Variants in MUC5B observed in about 807,000 individuals in gnomAD.
MUC5B encodes mucin 5B, oligomeric mucus/gel-forming.
A neutral mutation model predicts 376.9 loss-of-function variants in MUC5B; 116 were observed. The observed-to-expected ratio is 0.31, with a 90% CI of 0.26 to 0.36. The LOEUF is 0.36. Among genes scored for constraint, MUC5B ranks in the 10% least tolerant of loss-of-function variants. MUC5B has a pLI of 1.00. For missense variants in MUC5B, 7,165 were observed against 7,769.9 expected, an observed-to-expected ratio of 0.92 and a Z score of 2.93; for synonymous variants, 3,517 against 3,390.9, an observed-to-expected ratio of 1.04 and a Z score of -1.29.
Position 1,257,513 on chromosome 11 carries a change from C to T in MUC5B, c.16270-17C>T. On this transcript the variant is annotated splice_polypyrimidine_tract_variant and intron_variant, in intron 40 of 48. Coordinates refer to ENST00000529681, the MANE Select transcript of MUC5B (RefSeq NM_002458.3). The surrounding 1 kb of genome is among the most constrained non-coding windows in gnomAD (Gnocchi z 8.9). ...GTCTGTCCAGGAGCCCTCAGGGACC[C>T]CCTTGATCCATTCCAGCCCGGGGAG... 6.2e-7 allele frequency: 1 copy of T among 1,607,000 alleles called. No homozygotes were observed. Among genetic ancestry groups the T allele is most frequent in the Non-Finnish European group, 8.5e-7 (1 of 1,178,538 alleles).
Position 1,251,270 on chromosome 11 carries a change from C to G in MUC5B, c.14390C>G (p.Ala4797Gly), listed in dbSNP as rs564766894. 239 of 1,611,556 alleles carry G rather than the reference C, an allele frequency of 1.5e-4. 5 individuals carry two copies. In the South Asian group the frequency reaches 2.1e-3, roughly 14 times the overall value. Reference sequence around the variant, plus strand: ...ACCTCCACAGTGCTGACCACCACAGCCACCATGACAAGGGCCACCAATTCC... The same window carrying G: ...ACCTCCACAGTGCTGACCACCACAGGCACCATGACAAGGGCCACCAATTCC... ...THTSTVLTTT[A>G]TMTRATNSTA... Residue 4797 changes from alanine to glycine, a missense_variant, in exon 31 of 49, where the codon GCC (alanine) becomes GGC (glycine). Physicochemically the swap from Ala to Gly is moderately conservative, Grantham distance 60 (BLOSUM62 0). This residue lies in a region of MUC5B where 730 missense variants were observed against 592.7 expected (regional missense o/e 1.23). Coordinates refer to ENST00000529681, the MANE Select transcript of MUC5B (RefSeq NM_002458.3).
At position 1,253,712 on chromosome 11, in the gene MUC5B, C is replaced by T. The variant is rs930317087; in HGVS notation, c.15218-380C>T. Among the ~76,000 whole-genome samples the T allele has an allele frequency of 4.6e-5, 7 of 152,130 alleles. No homozygotes were observed. Among genetic ancestry groups the T allele is most frequent in the African/African-American group, 9.7e-5 (4 of 41,412 alleles). The stretch of plus-strand genomic sequence containing the variant: ...TCCTTTGGCTGTGGCTGCATCCCTC[C>T]GATCTCTGCCTCTGCCTCTCTGTGG... On this transcript the variant is annotated intron_variant, in intron 33 of 48. Transcript: ENST00000529681. This position sits in a 1 kb window ranked among gnomAD's most constrained non-coding sequence, Gnocchi z 4.3.
chr11:1,246,440 G>A lies in MUC5B; in HGVS notation c.9560G>A (p.Arg3187Gln), dbSNP rs117757264. The A allele has an allele frequency of 0.033, 52,881 of 1,586,762 alleles. 224 individuals carry two copies. Among genetic ancestry groups the A allele is most frequent in the Admixed American group, 0.039 (2,315 of 59,522 alleles). The change falls in exon 31 of 49, where the codon CGG becomes CAG. Residue 3187 changes from arginine (R) to glutamine (Q), a missense_variant. By Grantham distance (43) the Arg-to-Gln change is conservative. Around this residue, in one of 31 missense-constraint regions of MUC5B, gnomAD observed 939 missense variants for 770.6 expected, o/e 1.22. Coordinates refer to ENST00000529681, the MANE Select transcript of MUC5B (RefSeq NM_002458.3). ...TCCACGGCCACCGCCTCCTCCACCC[G>A]GGCAACTGCTGGCACCCTCAAAGTG... The part of the protein sequence containing the change: ...TGSTATASST[R>Q]ATAGTLKVLT...
chr11:1,248,346 C>T lies in MUC5B; in HGVS notation c.11466C>T (p.Ala3822=), dbSNP rs758348264. The T allele has an allele frequency of 5.0e-6, 8 of 1,612,664 alleles. No individual in the cohort carries two copies. Among genetic ancestry groups the T allele is most frequent in the Non-Finnish European group, 6.8e-6 (8 of 1,179,474 alleles). The change falls in exon 31 of 49, where the codon GCC becomes GCT. Residue 3822 remains alanine, a synonymous_variant. Coordinates refer to ENST00000529681, the MANE Select transcript of MUC5B (RefSeq NM_002458.3). ...TTTPTATMST[A]TPSSTPETAH... ...CACCCACGGCCACCATGTCCACAGC[C>T]ACACCCTCCTCCACTCCAGAGACTG...
At chr11:1,259,444 G>C in intron 44 of MUC5B, 1 of 515,246 alleles carries the variant, frequency 1.9e-6, no homozygotes, top group Non-Finnish European at 3.5e-6. Context: ...GGTCTTGTTT[G>C]TTTCCAAAGG....
rs755948967 is a variant in MUC5B at position 1,242,601 on chromosome 11, C to T, written c.5721C>T (p.Leu1907=). The T allele has an allele frequency of 1.9e-6, 3 of 1,613,808 alleles. No homozygotes were observed. The highest frequency in any genetic ancestry group is 2.2e-5 in the East Asian group (1 of 44,868). Residue 1907 remains leucine, a synonymous_variant, in exon 31 of 49, where the codon CTC becomes CTT. Coordinates refer to ENST00000529681, the MANE Select transcript of MUC5B (RefSeq NM_002458.3). ...CAACTCCGGGGACGACCTGGATCCT[C>T]ACAAAGCCGACCACAACAGCCACTA... ...PSSTPGTTWI[L]TKPTTTATTT...
rs1367458720 is a variant in MUC5B at position 1,234,394 on chromosome 11, CACTT to C, written c.2478+92_2478+95del. ...CCCAGGGATCTGGTGGTCCTGGAGA[CACTT>C]ACCCACCTGGAAGCTCCGCCCTGGC... On this transcript the variant is annotated intron_variant, in intron 20 of 48. Transcript: ENST00000529681. This position sits in a 1 kb window ranked among gnomAD's most constrained non-coding sequence, Gnocchi z 6.3. 6.7e-7 allele frequency: 1 copy of C among 1,496,594 alleles called. No homozygotes were observed. The highest frequency in any genetic ancestry group is 9.1e-7 in the Non-Finnish European group (1 of 1,103,550). 92.7% of individuals were successfully genotyped at this position (1,496,594 alleles called of 1,614,324 possible). A position where few individuals can be genotyped will look rare whatever the true frequency, so the allele number is the denominator to read the frequency against.
intron 1 of MUC5B, among the ~76,000 whole-genome samples, chr11:1,224,196 C>T (rs1161811700): frequency 1.3e-5 from 2 of 152,220 alleles, no homozygotes; most frequent in African/African-American, 2.4e-5. Context: ...TCAGCCCACC[C>T]GTCCTCCTGT....
rs1211885872 is a variant in MUC5B at position 1,223,067 on chromosome 11, C to T, written c.-57C>T. ...GCTGGGGCCCCCAGGGGAGCAAGCA[C>T]CCGGCCCGGCTCCCTCCCTGCCCGT... On this transcript the variant is annotated 5_prime_UTR_variant, in exon 1 of 49. Coordinates refer to ENST00000529681, the MANE Select transcript of MUC5B (RefSeq NM_002458.3). 2.9e-6 allele frequency: 2 copies of T among 682,714 alleles called. No individual in the cohort carries two copies. Among genetic ancestry groups the T allele is most frequent in the Admixed American group, 4.2e-5 (2 of 47,858 alleles). 42.3% of individuals were successfully genotyped at this position (682,714 alleles called of 1,614,324 possible).
chr11:1,261,375 C>A lies in MUC5B; in HGVS notation c.17070-14C>A. The A allele has an allele frequency of 6.5e-7, 1 of 1,539,190 alleles. No individual in the cohort carries two copies. Among genetic ancestry groups the A allele is most frequent in the Non-Finnish European group, 8.7e-7 (1 of 1,143,974 alleles). Reference sequence around the variant, plus strand: ...GCCAAGGTGGCTGATGTGAGGGCCACCCTGCGTCCACAGGTACTCAGCAGA... The same window carrying A: ...GCCAAGGTGGCTGATGTGAGGGCCAACCTGCGTCCACAGGTACTCAGCAGA... On this transcript the variant is annotated splice_polypyrimidine_tract_variant and intron_variant, in intron 48 of 48. Transcript: ENST00000529681.
At chr11:1,254,597 G>A (rs1396367370) in intron 34 of MUC5B, 97 bp from the exon 35 acceptor site, 2 of 1,327,396 alleles carry the variant, frequency 1.5e-6, no homozygotes, top group African/African-American at 1.5e-5. Flanking sequence ...ACACAGGGGG[G>A]TCTCTGCACA....
At position 1,242,817 on chromosome 11, in the gene MUC5B, C is replaced by G. The variant is rs879471005; in HGVS notation, c.5937C>G (p.Ser1979Arg). The change falls in exon 31 of 49, where the codon AGC becomes AGG. Residue 1979 changes from serine (S) to arginine (R), a missense_variant. This residue lies in a region of MUC5B where 897 missense variants were observed against 779.6 expected (regional missense o/e 1.15). Transcript: ENST00000529681. ...RSTATTPTAT[S>R]VTPIPSSSLG... ...CAGCCACCACACCCACAGCTACCAG[C>G]GTTACACCCATCCCCTCTTCCTCCC... 1 of 1,613,292 alleles carries G rather than the reference C, an allele frequency of 6.2e-7. No homozygotes were observed. The highest frequency in any genetic ancestry group is 8.5e-7 in the Non-Finnish European group (1 of 1,179,676).
intron 18 of MUC5B, 150 bp downstream of exon 18, chr11:1,233,418 G>A (rs1862079617): frequency 2.0e-6 from 2 of 977,656 alleles, no homozygotes; most frequent in African/African-American, 1.6e-5. Context: ...AGCACATTCT[G>A]AAGAGAAAAT....
intron 6 of MUC5B, 109 bp from the exon 7 acceptor site, chr11:1,227,566 G>A: frequency 3.0e-6 from 2 of 676,456 alleles, no homozygotes; most frequent in Admixed American, 2.1e-5. Context: ...GGGGTGTTGG[G>A]CCCTAGGCAG....
intron 14 of MUC5B, 40 bp downstream of exon 14, chr11:1,231,600 G>A: frequency 6.5e-7 from 1 of 1,537,696 alleles, no homozygotes; most frequent in Non-Finnish European, 8.7e-7. Context: ...GGGCCATTGG[G>A]GACGGGGCCT....
chr11:1,246,777 C>A lies in MUC5B; in HGVS notation c.9897C>A (p.Thr3299=). The part of the protein sequence containing the change: ...ATGSVATPSS[T]PGTAHTTKVP... ...GCTCTGTGGCCACCCCCTCCTCCAC[C>A]CCAGGAACAGCTCACACTACCAAAG... Residue 3299 remains threonine (T), a synonymous_variant, in exon 31 of 49, where the codon ACC becomes ACA. Coordinates refer to ENST00000529681, the MANE Select transcript of MUC5B (RefSeq NM_002458.3). 3 of 1,610,888 alleles carry A rather than the reference C, an allele frequency of 1.9e-6. No individual in the cohort carries two copies. The highest frequency in any genetic ancestry group is 1.7e-6 in the Non-Finnish European group (2 of 1,178,230).
At chr11:1,236,864 T>C (rs1027050008) in intron 24 of MUC5B, 61 bp from the exon 25 acceptor site, 12 of 1,398,294 alleles carry the variant, frequency 8.6e-6, no homozygotes, top group Admixed American at 3.3e-5. Context: ...GGCTCTGTGC[T>C]GCCTCCCACG....
In MUC5B at chr11:1,227,912, C is replaced by T. The variant is rs113967601; in HGVS notation, c.774+131C>T. ...CATTGGAGGGAGGCCGGGCAGCCAC[C>T]CTCTGTGTGCTCAGTTCCACGGTAC... On this transcript the variant is annotated intron_variant, in intron 7 of 48. Coordinates refer to ENST00000529681, the MANE Select transcript of MUC5B (RefSeq NM_002458.3). 21 of 610,694 alleles carry T rather than the reference C, an allele frequency of 3.4e-5. 2 individuals carry two copies. In the African/African-American group the frequency reaches 3.5e-4, roughly 10 times the overall value. 37.8% of individuals were successfully genotyped at this position (610,694 alleles called of 1,614,324 possible).
At position 1,243,747 on chromosome 11, in the gene MUC5B, C is replaced by G; in HGVS notation, c.6867C>G (p.Ser2289Arg). Residue 2289 changes from serine to arginine, a missense_variant, in exon 31 of 49, where the codon AGC becomes AGG. Transcript: ENST00000529681. ...TSRTTATATP[S>R]KTRTSTLLPS... ...GGACCACAGCCACGGCCACACCCAG[C>G]AAGACCCGCACCTCGACCCTGCTGC... The G allele has an allele frequency of 6.2e-7, 1 of 1,611,754 alleles. No individual in the cohort carries two copies. The highest frequency in any genetic ancestry group is 8.5e-7 in the Non-Finnish European group (1 of 1,179,666).
Sources: gnomAD v4.1 joint callset for allele counts (sites outside exome capture counted in the v4.1 genomes callset) on GRCh38, gnomAD v4.1.1 for gene constraint, gnomAD v4.1.1 regional missense constraint, Gnocchi (gnomAD v3.1) non-coding constraint, MANE v1.5 for transcripts, NCBI Gene and HGNC (gene_info 2026-07-23, HGNC 2026-07-21) for gene names.